Variants in LRP1B observed in about 807,000 individuals in gnomAD.
The protein encoded by LRP1B is LDL receptor related protein 1B, also known as low-density lipoprotein receptor-related protein 1B.
A neutral mutation model predicts 556.6 loss-of-function variants in LRP1B; 217 were observed. The observed-to-expected ratio is 0.39, with a 90% CI of 0.35 to 0.44. The LOEUF (loss-of-function observed/expected upper bound fraction) is 0.44, where lower values mean the gene tolerates loss of function less well. LRP1B is among the 20% of genes least tolerant of loss of function. LRP1B has a pLI of 1.00. For synonymous variants in LRP1B, 2,047 were observed against 1,865.8 expected (o/e 1.10, Z -2.50); for missense variants, 5,053 against 5,620.8 (o/e 0.90, Z 3.23).
chr2:141,998,337 G>C (rs1414131848), intron 1 of LRP1B, among the ~76,000 whole-genome samples: 2 of 151,964 alleles, frequency 1.3e-5, no homozygotes, highest in Non-Finnish European at 2.9e-5. Flanking sequence ...AACAAAAAAT[G>C]TCTGTGAGGA....
intron 1 of LRP1B, among the ~76,000 whole-genome samples, chr2:141,869,810 A>C (rs527698690): frequency 6.6e-6 from 1 of 152,244 alleles, no homozygotes; most frequent in Non-Finnish European, 1.5e-5. Flanking sequence ...AAATTTCCCA[A>C]TTCTCAAATT....
At chr2:140,661,905 A>G (rs770750707) in intron 41 of LRP1B, among the ~76,000 whole-genome samples, 8 of 152,136 alleles carry the variant, frequency 5.3e-5, no homozygotes, top group Non-Finnish European at 1.2e-4. Flanking sequence ...TAGCATTAAA[A>G]TATGAGAAAT....
intron 87 of LRP1B, among the ~76,000 whole-genome samples, chr2:140,242,208 GGGT>G: frequency 6.6e-6 from 1 of 151,120 alleles, no homozygotes; most frequent in East Asian, 2.0e-4. Context: ...TCTATAATAT[GGGT>G]ATCATCATTA....
intron 7 of LRP1B, among the ~76,000 whole-genome samples, chr2:141,158,910 ATAG>A (rs1211627663): frequency 6.6e-6 from 1 of 152,160 alleles, no homozygotes; most frequent in Non-Finnish European, 1.5e-5. Flanking sequence ...TGGAGTTTTT[ATAG>A]TCCAGAGTGG....
intron 2 of LRP1B, among the ~76,000 whole-genome samples, chr2:141,610,587 T>C (rs7606738): frequency 6.6e-6 from 1 of 152,098 alleles, no homozygotes; most frequent in Admixed American, 6.6e-5. Flanking sequence ...AAGGTACCCC[T>C]CATGGGTACC....
intron 66 of LRP1B, among the ~76,000 whole-genome samples, chr2:140,420,174 G>T (rs1332038056): frequency 1.3e-5 from 2 of 151,546 alleles, no homozygotes; most frequent in African/African-American, 2.4e-5. Flanking sequence ...AAAAAACTTG[G>T]ATGCAGATAA....
chr2:140,620,625 G>A (rs1274958679), intron 41 of LRP1B, among the ~76,000 whole-genome samples: 1 of 151,946 alleles, frequency 6.6e-6, no homozygotes, highest in East Asian at 1.9e-4. Flanking sequence ...CTATGTGTTA[G>A]AATCAATATG....
At chr2:140,280,888 T>A (rs202160355) in intron 84 of LRP1B, among the ~76,000 whole-genome samples, 1 of 151,810 alleles carries the variant, frequency 6.6e-6, no homozygotes, top group Non-Finnish European at 1.5e-5. Flanking sequence ...ACCCTTTATA[T>A]TCACAATATA....
intron 1 of LRP1B, among the ~76,000 whole-genome samples, chr2:141,971,421 C>T (rs981775980): frequency 6.6e-6 from 1 of 151,418 alleles, no homozygotes; most frequent in African/African-American, 2.4e-5. Flanking sequence ...TTTGTTTTAG[C>T]CCATCTGTTC....
intron 4 of LRP1B, among the ~76,000 whole-genome samples, chr2:141,247,806 CTATT>C (rs1342922909): frequency 1.3e-5 from 2 of 152,142 alleles, no homozygotes; most frequent in African/African-American, 4.8e-5. Context: ...AGAGAGGAAA[CTATT>C]AAGCACACCT....
rs537087207 is a variant in LRP1B, at chr2:140,866,439, A to C, written c.4579+1151T>G. Among the ~76,000 whole-genome samples the C allele has an allele frequency of 1.4e-4, 21 of 152,168 alleles. No homozygotes were observed. In the South Asian group the frequency reaches 4.1e-3, roughly 30 times the overall value. On this transcript the variant is annotated intron_variant, in intron 27 of 90. Transcript: ENST00000389484. ...ATATACTTTTTTCTATAATGTCCTCATGCTTTTTAGCTTATAAGGTGAAAG... is the reference window on the plus strand; with the variant it reads ...ATATACTTTTTTCTATAATGTCCTCCTGCTTTTTAGCTTATAAGGTGAAAG...
At chr2:141,656,205 A>C (rs910693798) in intron 2 of LRP1B, among the ~76,000 whole-genome samples, 1 of 152,140 alleles carries the variant, frequency 6.6e-6, no homozygotes, top group Non-Finnish European at 1.5e-5. Context: ...CTTAAAATTA[A>C]ACGGTACTTC....
chr2:141,529,384 A>C (rs1296976120), intron 2 of LRP1B, among the ~76,000 whole-genome samples: 1 of 152,214 alleles, frequency 6.6e-6, no homozygotes, highest in Non-Finnish European at 1.5e-5. Flanking sequence ...TTTCTCTTGA[A>C]GAAAGGAAAA....
At chr2:141,797,179 AT>A (rs1695849691) in intron 2 of LRP1B, among the ~76,000 whole-genome samples, 1 of 135,228 alleles carries the variant, frequency 7.4e-6, no homozygotes, top group Non-Finnish European at 1.6e-5. Flanking sequence ...ATATATATAT[AT>A]ATATATAACT....
At chr2:142,037,006 G>T (rs1442761551) in intron 1 of LRP1B, among the ~76,000 whole-genome samples, 1 of 151,580 alleles carries the variant, frequency 6.6e-6, no homozygotes, top group African/African-American at 2.4e-5. Context: ...TTGATGTTGG[G>T]TCACACAGAG....
At chr2:141,826,763 A>G (rs1696943558) in intron 1 of LRP1B, among the ~76,000 whole-genome samples, 1 of 152,248 alleles carries the variant, frequency 6.6e-6, no homozygotes, top group African/African-American at 2.4e-5. Flanking sequence ...CTAATTGAGT[A>G]AAAGTGAGAT....
intron 3 of LRP1B, among the ~76,000 whole-genome samples, chr2:141,283,444 G>C (rs71417137): frequency 6.6e-6 from 1 of 152,008 alleles, no homozygotes; most frequent in South Asian, 2.1e-4. Flanking sequence ...GGGAGGTGGT[G>C]AGGTGGGAAA....
chr2:141,955,655 G>T (rs1701225590), intron 1 of LRP1B, among the ~76,000 whole-genome samples: 1 of 152,136 alleles, frequency 6.6e-6, no homozygotes, highest in Non-Finnish European at 1.5e-5. Flanking sequence ...AATGAAGCTA[G>T]GTTATTTATT....
intron 86 of LRP1B, among the ~76,000 whole-genome samples, chr2:140,253,386 G>T (rs985668937): frequency 6.6e-6 from 1 of 152,020 alleles, no homozygotes; most frequent in Non-Finnish European, 1.5e-5. Flanking sequence ...TTCTATTGAA[G>T]AGGTGGCCAT....
Sources: allele counts gnomAD v4.1 joint callset (sites outside exome capture counted in the v4.1 genomes callset), GRCh38; gene constraint gnomAD v4.1.1; transcripts MANE v1.5; gene names NCBI Gene and HGNC (gene_info 2026-07-23, HGNC 2026-07-21).